Variants in ADARB1 observed in about 807,000 individuals in gnomAD.
ADARB1 encodes double-stranded RNA-specific editase 1.
A neutral mutation model predicts 52.4 loss-of-function variants in ADARB1; 10 were observed. The observed-to-expected ratio is 0.19, with a 90% CI of 0.12 to 0.32. The LOEUF (loss-of-function observed/expected upper bound fraction) is 0.32, where lower values mean the gene tolerates loss of function less well. Among genes scored for constraint, ADARB1 ranks in the 10% least tolerant of loss-of-function variants. ADARB1 has a pLI of 1.00. For missense variants in ADARB1, 643 were observed against 922.3 expected, an observed-to-expected ratio of 0.70 and a Z score of 3.92; for synonymous variants, 349 against 371.1, an observed-to-expected ratio of 0.94 and a Z score of 0.68.
At position 45,191,178 on chromosome 21, in the gene ADARB1, A is replaced by G. The variant is rs533328147; in HGVS notation, c.1565+6087A>G. Among the ~76,000 whole-genome samples the G allele has an allele frequency of 2.0e-5, 3 of 152,336 alleles. No homozygotes were observed. In the South Asian group the frequency reaches 6.2e-4, roughly 32 times the overall value. On this transcript the variant is annotated intron_variant, in intron 8 of 10. Transcript: ENST00000348831. ...ATTTTTTAATGTTAACCTTATGGCC[A>G]GCAACTTAACTCACTTCTTATTCTA...
In ADARB1 at chr21:45,223,429, G is replaced by A. The variant is rs893450928; in HGVS notation, c.*1232G>A. 62 of 985,758 alleles carry A rather than the reference G, an allele frequency of 6.3e-5. No individual in the cohort carries two copies. Among genetic ancestry groups the A allele is most frequent in the Middle Eastern group, 5.2e-4 (1 of 1,916 alleles). 61.1% of individuals were successfully genotyped at this position (985,758 alleles called of 1,614,324 possible). ...CAGCCCGGGAGGTCAGGAGCGCGGC[G>A]GGCGAGGGCCCTGTGTGGACCACCT... On this transcript the variant is annotated 3_prime_UTR_variant, in exon 11 of 11. Transcript: ENST00000348831.
At position 45,098,101 on chromosome 21, in the gene ADARB1, G is replaced by A. The variant is rs139232931; in HGVS notation, c.-220+23308G>A. Among the ~76,000 whole-genome samples the A allele has an allele frequency of 1.1e-3, 173 of 152,248 alleles. 2 individuals carry two copies. The highest frequency in any genetic ancestry group is 6.8e-3 in the Middle Eastern group (2 of 294). ...AAACATTTGTGCCTGCTGTCCCTGC[G>A]TTCGCTTCCCACCCGGGTGCTTGCC... is the stretch of plus-strand genomic sequence containing the variant. On this transcript the variant is annotated intron_variant, in intron 1 of 10. Coordinates refer to ENST00000348831, the MANE Select transcript of ADARB1 (RefSeq NM_001112.4).
At chr21:45,193,229 A>AG (rs760082161) in intron 8 of ADARB1, among the ~76,000 whole-genome samples, 4 of 152,384 alleles carry the variant, frequency 2.6e-5, no homozygotes, top group Non-Finnish European at 1.5e-5. Flanking sequence ...ATGACCAAGT[A>AG]GGGGCTATCC....
chr21:45,085,306 T>TG (rs2086297434), intron 1 of ADARB1, among the ~76,000 whole-genome samples: 1 of 152,216 alleles, frequency 6.6e-6, no homozygotes, highest in South Asian at 2.1e-4. Flanking sequence ...CAAAAGATGC[T>TG]GGGGAGCTAC....
chr21:45,171,660 G>A lies in ADARB1; in HGVS notation c.4G>A (p.Asp2Asn), dbSNP rs1441290733. 6.2e-7 allele frequency: 1 copy of A among 1,613,674 alleles called. No individual in the cohort carries two copies. The highest frequency in any genetic ancestry group is 1.3e-5 in the African/African-American group (1 of 74,892). M[D>N]IEDEENMSSS... ...AAACCCTCAAAAGTATTTTGCCATGGATATAGAAGATGAAGAAAACATGAG... is the reference window on the plus strand; with the variant it reads ...AAACCCTCAAAAGTATTTTGCCATGAATATAGAAGATGAAGAAAACATGAG... The change falls in exon 3 of 11, where the codon GAT (aspartate) becomes AAT (asparagine). Residue 2 changes from aspartate to asparagine, a missense_variant. Transcript: ENST00000348831.
intron 1 of ADARB1, among the ~76,000 whole-genome samples, chr21:45,090,794 C>T (rs2086533138): frequency 6.6e-6 from 1 of 152,236 alleles, no homozygotes; most frequent in Non-Finnish European, 1.5e-5. Context: ...ATTTTCACGT[C>T]ATCCTTGTTT....
intron 9 of ADARB1, among the ~76,000 whole-genome samples, chr21:45,214,004 C>T (rs1463437783): frequency 2.0e-5 from 3 of 152,260 alleles, no homozygotes; most frequent in East Asian, 3.9e-4. Context: ...TTCACATTAC[C>T]ACCACTAGTG....
At chr21:45,115,586 C>G (rs546582158) in intron 1 of ADARB1, among the ~76,000 whole-genome samples, 79 of 152,342 alleles carry the variant, frequency 5.2e-4, no homozygotes, top group African/African-American at 1.8e-3. Context: ...AGCATAATCT[C>G]TTCCCCTTTT....
At chr21:45,207,884 G>A (rs940434270) in intron 9 of ADARB1, among the ~76,000 whole-genome samples, 13 of 152,320 alleles carry the variant, frequency 8.5e-5, no homozygotes, top group African/African-American at 3.1e-4. Flanking sequence ...GGGATAGGGT[G>A]TTGCTTTCTT....
chr21:45,165,137 C>T (rs1225923746), intron 2 of ADARB1, among the ~76,000 whole-genome samples: 3 of 152,098 alleles, frequency 2.0e-5, no homozygotes, highest in Non-Finnish European at 4.4e-5. Flanking sequence ...ACTGTCTGTG[C>T]GACTGGCATG....
chr21:45,224,287 G>A lies in ADARB1; in HGVS notation c.*2090G>A. On this transcript the variant is annotated 3_prime_UTR_variant, in exon 11 of 11. Coordinates refer to ENST00000348831, the MANE Select transcript of ADARB1 (RefSeq NM_001112.4). Reference sequence around the variant, plus strand: ...GGCTTTTCCCTTCTGTCAGGTAATAGCTAAAGTCAGCATGATTGCTCCCTG... The same window carrying A: ...GGCTTTTCCCTTCTGTCAGGTAATAACTAAAGTCAGCATGATTGCTCCCTG... 2 of 985,436 alleles carry A rather than the reference G, an allele frequency of 2.0e-6. No homozygotes were observed. Among genetic ancestry groups the A allele is most frequent in the Non-Finnish European group, 2.4e-6 (2 of 829,970 alleles). The allele number at this position is 985,436 out of a possible 1,614,324, so 61.0% of individuals were successfully genotyped here. A position where few individuals can be genotyped will look rare whatever the true frequency, so the allele number is the denominator to read the frequency against.
intron 2 of ADARB1, among the ~76,000 whole-genome samples, chr21:45,131,319 T>A (rs2088917730): frequency 6.6e-6 from 1 of 152,184 alleles, no homozygotes; most frequent in African/African-American, 2.4e-5. Context: ...TCTGAAATGG[T>A]CAAACCTGAA....
At chr21:45,075,353 C>G (rs1471427347) in intron 1 of ADARB1, among the ~76,000 whole-genome samples, 3 of 151,180 alleles carry the variant, frequency 2.0e-5, no homozygotes, top group Non-Finnish European at 4.4e-5. Flanking sequence ...AGGCTGCGCC[C>G]GGGATGAGGC....
chr21:45,213,938 G>A (rs1234953549), intron 9 of ADARB1, among the ~76,000 whole-genome samples: 1 of 152,206 alleles, frequency 6.6e-6, no homozygotes, highest in African/African-American at 2.4e-5. Flanking sequence ...TAAGATAGGT[G>A]TATGTTGAAC....
chr21:45,133,638 A>G (rs1166001812), intron 2 of ADARB1: 3 of 252,938 alleles, frequency 1.2e-5, no homozygotes, highest in African/African-American at 4.7e-5. Flanking sequence ...TGACTGAGAA[A>G]AGAATTTGTC....
At chr21:45,155,794 C>G in intron 2 of ADARB1, among the ~76,000 whole-genome samples, 1 of 66,378 alleles carries the variant, frequency 1.5e-5, no homozygotes, top group Admixed American at 1.5e-4. Flanking sequence ...CACCCACCCA[C>G]CCATCATCAC....
intron 9 of ADARB1, among the ~76,000 whole-genome samples, chr21:45,209,418 A>G (rs1009307516): frequency 1.1e-4 from 16 of 152,226 alleles, no homozygotes; most frequent in Middle Eastern, 3.2e-3. Flanking sequence ...AATTGGGGTG[A>G]CAGGGTGATT....
chr21:45,182,732 C>T lies in ADARB1; in HGVS notation c.1226C>T (p.Thr409Ile), dbSNP rs750983609. The change falls in exon 6 of 11, where the codon ACA (threonine) becomes ATA (isoleucine). Residue 409 changes from threonine (T) to isoleucine (I), a missense_variant. Coordinates refer to ENST00000348831, the MANE Select transcript of ADARB1 (RefSeq NM_001112.4). ...SRRSLLRFLY[T>I]QLELYLNNKD... Reference sequence around the variant, plus strand: ...AGATCCTTGCTCAGATTTCTTTATACACAACTTGAGCTTTACTTAAAGTAA... The same window carrying T: ...AGATCCTTGCTCAGATTTCTTTATATACAACTTGAGCTTTACTTAAAGTAA... 4 of 1,599,368 alleles carry T rather than the reference C, an allele frequency of 2.5e-6. No individual in the cohort carries two copies. Among genetic ancestry groups the T allele is most frequent in the Non-Finnish European group, 3.4e-6 (4 of 1,175,182 alleles).
intron 1 of ADARB1, among the ~76,000 whole-genome samples, chr21:45,095,617 T>C (rs2086727288): frequency 6.6e-6 from 1 of 152,112 alleles, no homozygotes; most frequent in Non-Finnish European, 1.5e-5. Context: ...TGTTTCAGGG[T>C]GCACGTTTCC....
Sources: gnomAD v4.1 joint callset for allele counts (sites outside exome capture counted in the v4.1 genomes callset) on GRCh38, gnomAD v4.1.1 for gene constraint, MANE v1.5 for transcripts, NCBI Gene and HGNC (gene_info 2026-07-23, HGNC 2026-07-21) for gene names.